GMDS: variants seen among roughly 807,000 people sequenced by gnomAD.
GMDS encodes the protein GDP-mannose 4,6-dehydratase.
GMDS carries 20 observed loss-of-function variants against 49.9 expected under a neutral mutation model. That is an observed-to-expected ratio of 0.40 (90% CI 0.28 to 0.58). The LOEUF (loss-of-function observed/expected upper bound fraction) is 0.58. Ranked by LOEUF, GMDS falls within the 20% of genes least tolerant of loss-of-function variation. The pLI, the probability that GMDS is intolerant of heterozygous loss-of-function variation, is 0.42. For synonymous variants in GMDS, 177 were observed against 178.6 expected (o/e 0.99, Z 0.07); for missense variants, 362 against 481.4 (o/e 0.75, Z 2.32).
Position 2,245,088 on chromosome 6 carries a change from A to G in GMDS, c.102+233T>C, listed in dbSNP as rs532118486. 2.6e-3 allele frequency among the ~76,000 whole-genome samples: 401 copies of G among 152,320 alleles called. 1 individual carries two copies. Among genetic ancestry groups the G allele is most frequent in the African/African-American group, 9.3e-3 (387 of 41,580 alleles). Reference sequence around the variant, plus strand: ...GTGTGAGCGCGACATCCCGCGCGGCACACACGCTCACAGCCCCCAGAGAAA... The same window carrying G: ...GTGTGAGCGCGACATCCCGCGCGGCGCACACGCTCACAGCCCCCAGAGAAA... On this transcript the variant is annotated intron_variant, in intron 1 of 10. Transcript: ENST00000380815.
intron 7 of GMDS, among the ~76,000 whole-genome samples, chr6:1,798,597 TTCTGCC>T (rs1180181813): frequency 6.6e-6 from 1 of 152,164 alleles, no homozygotes; most frequent in Non-Finnish European, 1.5e-5. Context: ...GGCTCTGTAA[TTCTGCC>T]TAAAGCCAGC....
intron 9 of GMDS, among the ~76,000 whole-genome samples, chr6:1,692,619 A>T (rs1243236944): frequency 6.6e-6 from 1 of 152,146 alleles, no homozygotes; most frequent in East Asian, 1.9e-4. Context: ...TTCATATTAC[A>T]TAGTCCCTAT....
At chr6:2,035,573 A>G (rs1769254698) in intron 4 of GMDS, among the ~76,000 whole-genome samples, 1 of 152,174 alleles carries the variant, frequency 6.6e-6, no homozygotes, top group African/African-American at 2.4e-5. Flanking sequence ...TCCTAAATAA[A>G]AGCTCAAATT....
chr6:1,743,639 C>G (rs1767372340), intron 7 of GMDS, among the ~76,000 whole-genome samples: 1 of 151,990 alleles, frequency 6.6e-6, no homozygotes, highest in South Asian at 2.1e-4. Context: ...GTCCAAGATA[C>G]TGACTGGTGG....
chr6:2,076,605 C>T (rs1263816447), intron 4 of GMDS, among the ~76,000 whole-genome samples: 1 of 152,088 alleles, frequency 6.6e-6, no homozygotes. Context: ...GAAATAATGC[C>T]ACATATCTAC....
At chr6:2,211,237 G>C (rs754970233) in intron 1 of GMDS, among the ~76,000 whole-genome samples, 2 of 152,178 alleles carry the variant, frequency 1.3e-5, no homozygotes, top group African/African-American at 4.8e-5. Flanking sequence ...CACTAGAAGA[G>C]TAAGAGGAAT....
intron 4 of GMDS, among the ~76,000 whole-genome samples, chr6:2,064,729 G>C (rs1448998236): frequency 6.6e-6 from 1 of 152,156 alleles, no homozygotes; most frequent in African/African-American, 2.4e-5. Flanking sequence ...AATGAAGCTG[G>C]CATGGGGAGA....
chr6:2,231,517 T>C (rs1350591155), intron 1 of GMDS, among the ~76,000 whole-genome samples: 1 of 152,132 alleles, frequency 6.6e-6, no homozygotes, highest in Non-Finnish European at 1.5e-5. Flanking sequence ...TGAGCTGAGA[T>C]GGCTCCACTG....
At chr6:1,791,815 T>A (rs893341500) in intron 7 of GMDS, among the ~76,000 whole-genome samples, 5 of 152,328 alleles carry the variant, frequency 3.3e-5, no homozygotes, top group Admixed American at 1.3e-4. Context: ...ACACATTTTT[T>A]AATGAATTTT....
intron 4 of GMDS, among the ~76,000 whole-genome samples, chr6:2,031,315 A>G (rs2127416870): frequency 6.6e-6 from 1 of 152,302 alleles, no homozygotes; most frequent in South Asian, 2.1e-4. Context: ...AAATTCACTC[A>G]TTCAATCAGT....
At chr6:2,199,837 G>C (rs908665402) in intron 1 of GMDS, among the ~76,000 whole-genome samples, 6 of 152,236 alleles carry the variant, frequency 3.9e-5, no homozygotes, top group Admixed American at 2.0e-4. Flanking sequence ...CCTAGAAATA[G>C]TACCAGGTAC....
intron 7 of GMDS, among the ~76,000 whole-genome samples, chr6:1,886,280 T>C (rs1759601535): frequency 6.6e-6 from 1 of 152,168 alleles, no homozygotes; most frequent in East Asian, 1.9e-4. Context: ...TCTGTCGGAA[T>C]TTTACTCTAA....
At chr6:1,790,411 T>C (rs1215674536) in intron 7 of GMDS, among the ~76,000 whole-genome samples, 1 of 152,144 alleles carries the variant, frequency 6.6e-6, no homozygotes, top group Non-Finnish European at 1.5e-5. Flanking sequence ...AAAAGTGAAA[T>C]GTAGAGAGGC....
chr6:1,848,087 C>CA (rs1757494610), intron 7 of GMDS, among the ~76,000 whole-genome samples: 1 of 152,098 alleles, frequency 6.6e-6, no homozygotes, highest in African/African-American at 2.4e-5. Context: ...AGTTTGTCTC[C>CA]AAAAATCTAC....
intron 4 of GMDS, among the ~76,000 whole-genome samples, chr6:2,076,295 G>A (rs1243115105): frequency 6.6e-6 from 1 of 152,104 alleles, no homozygotes; most frequent in Non-Finnish European, 1.5e-5. Flanking sequence ...CCATGCTCAT[G>A]GGTAGGAAGA....
At chr6:1,936,383 G>A (rs534395440) in intron 6 of GMDS, among the ~76,000 whole-genome samples, 3 of 152,218 alleles carry the variant, frequency 2.0e-5, no homozygotes, top group Admixed American at 2.0e-4. Flanking sequence ...ATGAACCTAG[G>A]GAAAGTGAAG....
At chr6:2,056,953 G>T (rs1770815777) in intron 4 of GMDS, among the ~76,000 whole-genome samples, 1 of 152,122 alleles carries the variant, frequency 6.6e-6, no homozygotes, top group Non-Finnish European at 1.5e-5. Flanking sequence ...TGCTGAGAAA[G>T]GGAATTTCCA....
intron 7 of GMDS, among the ~76,000 whole-genome samples, chr6:1,811,545 A>T: frequency 6.8e-6 from 1 of 148,106 alleles, no homozygotes. Context: ...AAATATTTAG[A>T]CTAGTCAAGC....
intron 9 of GMDS, among the ~76,000 whole-genome samples, chr6:1,697,982 G>A (rs1016938187): frequency 1.3e-5 from 2 of 152,214 alleles, no homozygotes; most frequent in Non-Finnish European, 2.9e-5. Context: ...ACACTGACAA[G>A]AAAGGCACCT....
Sources: allele counts gnomAD v4.1 joint callset (sites outside exome capture counted in the v4.1 genomes callset), GRCh38; gene constraint gnomAD v4.1.1; transcripts MANE v1.5; gene names NCBI Gene and HGNC (gene_info 2026-07-23, HGNC 2026-07-21).